The following DNAJC13 variants were observed in gnomAD, a reference collection of about 807,000 sequenced individuals.
DNAJC13 encodes the protein DnaJ heat shock protein family (Hsp40) member C13.
Under a neutral mutation model 290.5 loss-of-function variants are expected in DNAJC13, and 75 were observed. The observed-to-expected ratio is 0.26, with a 90% CI of 0.21 to 0.31. DNAJC13 has a LOEUF of 0.31. Among genes scored for constraint, DNAJC13 ranks in the 10% least tolerant of loss-of-function variants. DNAJC13 has a pLI of 1.00. For missense variants in DNAJC13, 2,260 were observed against 2,674.5 expected (o/e 0.85, Z 3.42); for synonymous variants, 862 against 892.0 (o/e 0.97, Z 0.60).
At chr3:132,502,255 G>GT in intron 39 of DNAJC13, 34 bp from the exon 40 acceptor site, 1 of 1,323,508 alleles carries the variant, frequency 7.6e-7, no homozygotes, top group South Asian at 1.7e-5. Flanking sequence ...TTTTAACTCT[G>GT]TAACAACTAA....
chr3:132,512,578 T>A (rs543694521), intron 44 of DNAJC13, among the ~76,000 whole-genome samples: 1 of 152,320 alleles, frequency 6.6e-6, no homozygotes, highest in African/African-American at 2.4e-5. Flanking sequence ...CCAGTTTGTT[T>A]GTATTATAGT....
At chr3:132,511,268 A>G (rs780872166) in intron 44 of DNAJC13, 24 bp downstream of exon 44, 15 of 1,612,176 alleles carry the variant, frequency 9.3e-6, no homozygotes, top group South Asian at 3.3e-5. Context: ...CCTTTGATCA[A>G]TAAGACTCGT....
At chr3:132,520,042 G>T (rs1465448156) in intron 48 of DNAJC13, among the ~76,000 whole-genome samples, 1 of 152,118 alleles carries the variant, frequency 6.6e-6, no homozygotes, top group Non-Finnish European at 1.5e-5. Flanking sequence ...AATAGCACGA[G>T]AAAGACCTGC....
intron 20 of DNAJC13, among the ~76,000 whole-genome samples, chr3:132,471,369 C>T (rs1476003271): frequency 2.7e-5 from 4 of 145,916 alleles, no homozygotes; most frequent in African/African-American, 1.0e-4. Context: ...CCCTCCCGGA[C>T]GGGGTGGCTG....
chr3:132,463,937 T>C, intron 17 of DNAJC13, 120 bp downstream of exon 17: 1 of 1,175,016 alleles, frequency 8.5e-7, no homozygotes, highest in Non-Finnish European at 1.1e-6. Flanking sequence ...TTGATCCACC[T>C]AGTTCTTTTC....
chr3:132,479,886 G>A (rs1445978298), intron 25 of DNAJC13, among the ~76,000 whole-genome samples: 2 of 151,972 alleles, frequency 1.3e-5, no homozygotes, highest in African/African-American at 4.8e-5. Flanking sequence ...CTTAAGTAAT[G>A]CAAATGTTTT....
At chr3:132,422,017 T>A (rs1485862377) in intron 1 of DNAJC13, among the ~76,000 whole-genome samples, 4 of 151,766 alleles carry the variant, frequency 2.6e-5, no homozygotes, top group Admixed American at 2.6e-4. Context: ...TTTGGACTTC[T>A]GGACTTTTTT....
At position 132,483,496 on chromosome 3, in the gene DNAJC13, G is replaced by A. The variant is rs1934749989; in HGVS notation, c.3101G>A (p.Gly1034Glu). ...CTTAAGTGGTGTCTCTTAGCCAGTG[G>A]ACAGGCTGTCCTGAATGAAACTGAC... ...PQLKWCLLAS[G>E]QAVLNETDLA... is the part of the protein sequence containing the mutation. The change falls in exon 28 of 56, where the codon GGA becomes GAA. Residue 1034 changes from glycine (G) to glutamate (E), a missense_variant. Around this residue, in one of 3 missense-constraint regions of DNAJC13, gnomAD observed 1,494 missense variants for 1,693.7 expected, o/e 0.88. Coordinates refer to ENST00000260818, the MANE Select transcript of DNAJC13 (RefSeq NM_015268.4). 1.9e-6 allele frequency: 3 copies of A among 1,614,086 alleles called. No homozygotes were observed. Among genetic ancestry groups the A allele is most frequent in the Non-Finnish European group, 2.5e-6 (3 of 1,179,962 alleles).
At position 132,492,603 on chromosome 3, in the gene DNAJC13, A is replaced by G. The variant is rs1413457397; in HGVS notation, c.3813A>G (p.Pro1271=). The G allele has an allele frequency of 1.2e-6, 2 of 1,613,498 alleles. No individual in the cohort carries two copies. Among genetic ancestry groups the G allele is most frequent in the Admixed American group, 1.7e-5 (1 of 59,988 alleles). The change falls in exon 33 of 56, where the codon CCA becomes CCG. Residue 1271 remains proline, a synonymous_variant. Transcript: ENST00000260818. ...ATACACTCCGGTTTCCAGATTGGCCAATTAAAGACCCGGTAAGTCAGCAGT... is the reference window on the plus strand; with the variant it reads ...ATACACTCCGGTTTCCAGATTGGCCGATTAAAGACCCGGTAAGTCAGCAGT... ...LCDTLRFPDW[P]IKDPVKLLKD...
intron 29 of DNAJC13, 83 bp from the exon 30 acceptor site, chr3:132,488,215 A>C: frequency 6.7e-4 from 842 of 1,263,896 alleles, no homozygotes; most frequent in Non-Finnish European, 8.2e-4. Flanking sequence ...AAGGAGCTAT[A>C]ACCTCAGCAT....
chr3:132,452,179 G>C (rs1289555794), intron 6 of DNAJC13, among the ~76,000 whole-genome samples: 1 of 152,124 alleles, frequency 6.6e-6, no homozygotes, highest in Non-Finnish European at 1.5e-5. Context: ...GGAATAATAA[G>C]GTAAACGTTA....
chr3:132,494,385 G>T (rs1559896812), intron 34 of DNAJC13, 126 bp downstream of exon 34: 1 of 736,372 alleles, frequency 1.4e-6, no homozygotes, highest in East Asian at 2.7e-5. Context: ...TACACCTTGG[G>T]AATAACCATA....
intron 5 of DNAJC13, among the ~76,000 whole-genome samples, chr3:132,449,162 C>T (rs889049686): frequency 6.6e-6 from 1 of 152,098 alleles, no homozygotes; most frequent in African/African-American, 2.4e-5. Flanking sequence ...TTAGATTCCA[C>T]CCCAAATACT....
intron 20 of DNAJC13, among the ~76,000 whole-genome samples, chr3:132,469,319 A>G (rs78946096): frequency 0.038 from 5,723 of 152,326 alleles, 155 homozygotes; most frequent in South Asian, 0.061. Flanking sequence ...CGATTCTTGA[A>G]ACAATCTGCA....
chr3:132,434,836 T>G (rs971425709), intron 2 of DNAJC13, among the ~76,000 whole-genome samples: 11 of 152,190 alleles, frequency 7.2e-5, no homozygotes, highest in Admixed American at 7.2e-4. Context: ...TGGTAAGAAT[T>G]AAAAGTGACA....
At position 132,492,594 on chromosome 3, in the gene DNAJC13, A is replaced by G. The variant is rs759059936; in HGVS notation, c.3804A>G (p.Pro1268=). Residue 1268 remains proline, a synonymous_variant, in exon 33 of 56, where the codon CCA becomes CCG. Transcript: ENST00000260818. Reference sequence around the variant, plus strand: ...AACTGTGTGATACACTCCGGTTTCCAGATTGGCCAATTAAAGACCCGGTAA... The same window carrying G: ...AACTGTGTGATACACTCCGGTTTCCGGATTGGCCAATTAAAGACCCGGTAA... ...LKQLCDTLRF[P]DWPIKDPVKL... 2.5e-6 allele frequency: 4 copies of G among 1,613,606 alleles called. No homozygotes were observed. The highest frequency in any genetic ancestry group is 3.4e-6 in the Non-Finnish European group (4 of 1,179,714).
chr3:132,488,269 C>A, intron 29 of DNAJC13, 29 bp from the exon 30 acceptor site: 1 of 1,548,356 alleles, frequency 6.5e-7, no homozygotes, highest in Non-Finnish European at 8.7e-7. Context: ...TTTTTACAAC[C>A]CAATAAAAAC....
At chr3:132,514,921 T>TCGGAGTCCACC in intron 46 of DNAJC13, 1 of 194,552 alleles carries the variant, frequency 5.1e-6, no homozygotes, top group South Asian at 4.3e-5. Context: ...TTCAGTTTGT[T>TCGGAGTCCACC]GAGATCTACA....
intron 42 of DNAJC13, 23 bp from the exon 43 acceptor site, chr3:132,507,214 C>CT (rs772418243): frequency 1.4e-6 from 2 of 1,407,138 alleles, no homozygotes; most frequent in East Asian, 2.3e-5. Context: ...ATCTAACAGT[C>CT]TATTTTTTCA....
Sources: allele counts gnomAD v4.1 joint callset (sites outside exome capture counted in the v4.1 genomes callset), GRCh38; gene constraint gnomAD v4.1.1; regional missense constraint gnomAD v4.1.1; transcripts MANE v1.5; gene names NCBI Gene and HGNC (gene_info 2026-07-23, HGNC 2026-07-21).